The following LRRC4C variants were observed in gnomAD, a reference collection of about 807,000 sequenced individuals.
LRRC4C encodes the protein leucine rich repeat containing 4C.
Under a neutral mutation model 33.6 loss-of-function variants are expected in LRRC4C, and 5 were observed. That is an observed-to-expected ratio of 0.15 (90% CI 0.08 to 0.31). The LOEUF is 0.31. Among genes scored for constraint, LRRC4C ranks in the 10% least tolerant of loss-of-function variants. The pLI is 1.00. For missense variants in LRRC4C, 560 were observed against 796.7 expected, an observed-to-expected ratio of 0.70 and a Z score of 3.58; for synonymous variants, 329 against 302.0, an observed-to-expected ratio of 1.09 and a Z score of -0.93.
At chr11:41,158,058 C>T (rs1944311335) in intron 1 of LRRC4C, among the ~76,000 whole-genome samples, 1 of 152,034 alleles carries the variant, frequency 6.6e-6, no homozygotes, top group African/African-American at 2.4e-5. Context: ...TCCTCCTAAT[C>T]CCTCAGCCAC....
chr11:40,899,096 T>C (rs1956095303), intron 2 of LRRC4C, among the ~76,000 whole-genome samples: 2 of 49,344 alleles, frequency 4.1e-5, no homozygotes, highest in Non-Finnish European at 1.4e-4. Flanking sequence ...TGTGGTCATT[T>C]TGAAAAAAAA....
intron 1 of LRRC4C, among the ~76,000 whole-genome samples, chr11:41,115,802 A>G (rs1275799880): frequency 6.6e-6 from 1 of 152,064 alleles, no homozygotes; most frequent in African/African-American, 2.4e-5. Flanking sequence ...TGGTAACCAG[A>G]GCTATGTTCC....
intron 6 of LRRC4C, among the ~76,000 whole-genome samples, chr11:40,139,147 A>G (rs1857188581): frequency 6.6e-6 from 1 of 152,186 alleles, no homozygotes; most frequent in Non-Finnish European, 1.5e-5. Context: ...TGAGGGGAAA[A>G]GAGTTTCGGA....
intron 3 of LRRC4C, among the ~76,000 whole-genome samples, chr11:40,483,536 A>C (rs1311263398): frequency 1.3e-5 from 2 of 152,278 alleles, no homozygotes; most frequent in African/African-American, 4.8e-5. Context: ...TCAGAAATGG[A>C]AATATTCTGA....
At chr11:40,275,700 G>A (rs888638015) in intron 4 of LRRC4C, among the ~76,000 whole-genome samples, 7 of 152,136 alleles carry the variant, frequency 4.6e-5, no homozygotes, top group Non-Finnish European at 1.0e-4. Context: ...CTGGCCCCAA[G>A]TGGAGTCTAT....
intron 2 of LRRC4C, among the ~76,000 whole-genome samples, chr11:40,750,642 C>T (rs182361903): frequency 1.0e-4 from 11 of 110,244 alleles, no homozygotes; most frequent in East Asian, 8.2e-4. Context: ...CATCACACAT[C>T]GGGACTGTTG....
At chr11:40,977,187 G>T (rs1395578792) in intron 1 of LRRC4C, among the ~76,000 whole-genome samples, 1 of 152,052 alleles carries the variant, frequency 6.6e-6, no homozygotes, top group Non-Finnish European at 1.5e-5. Flanking sequence ...GTGGTAATGG[G>T]ATCGATAGAC....
At chr11:41,222,468 G>T (rs1244513061) in intron 1 of LRRC4C, among the ~76,000 whole-genome samples, 2 of 152,110 alleles carry the variant, frequency 1.3e-5, no homozygotes, top group Non-Finnish European at 2.9e-5. Context: ...CAATGAAATG[G>T]ACAGGGCTGA....
At chr11:40,185,963 A>C (rs573674299) in intron 5 of LRRC4C, among the ~76,000 whole-genome samples, 1 of 152,132 alleles carries the variant, frequency 6.6e-6, no homozygotes, top group Non-Finnish European at 1.5e-5. Context: ...TCCCAATGCC[A>C]AGCAGTATCA....
At chr11:41,252,421 TAGAGAAAG>T (rs761622642) in intron 1 of LRRC4C, among the ~76,000 whole-genome samples, 1 of 151,656 alleles carries the variant, frequency 6.6e-6, no homozygotes, top group Non-Finnish European at 1.5e-5. Flanking sequence ...CCCAAAGGAG[TAGAGAAAG>T]AGTTTATAAT....
chr11:41,430,270 A>C (rs1465444451), intron 1 of LRRC4C, among the ~76,000 whole-genome samples: 1 of 152,146 alleles, frequency 6.6e-6, no homozygotes, highest in East Asian at 1.9e-4. Context: ...ATAATTTACA[A>C]TGCATTGTAA....
At chr11:40,826,540 T>A (rs1413234325) in intron 2 of LRRC4C, among the ~76,000 whole-genome samples, 1 of 151,902 alleles carries the variant, frequency 6.6e-6, no homozygotes, top group African/African-American at 2.4e-5. Context: ...AAAACGCACG[T>A]CTTTTGCTTT....
chr11:40,684,275 G>A (rs1413657410), intron 2 of LRRC4C, among the ~76,000 whole-genome samples: 1 of 151,788 alleles, frequency 6.6e-6, no homozygotes, highest in Admixed American at 6.6e-5. Flanking sequence ...AGAAGAGGAA[G>A]CATTTAAAAA....
At chr11:40,262,273 G>GATT (rs1941907086) in intron 4 of LRRC4C, among the ~76,000 whole-genome samples, 1 of 151,922 alleles carries the variant, frequency 6.6e-6, no homozygotes, top group African/African-American at 2.4e-5. Context: ...ATCAAAACAA[G>GATT]ATTATTATTA....
chr11:41,393,112 C>G (rs1953669692), intron 1 of LRRC4C, among the ~76,000 whole-genome samples: 1 of 151,834 alleles, frequency 6.6e-6, no homozygotes. Flanking sequence ...AGCAAACTAA[C>G]TTTGACATTT....
At chr11:41,168,569 A>G (rs1944832218) in intron 1 of LRRC4C, among the ~76,000 whole-genome samples, 1 of 152,074 alleles carries the variant, frequency 6.6e-6, no homozygotes, top group South Asian at 2.1e-4. Flanking sequence ...AACAATTCAT[A>G]TAAGGTGAAG....
At chr11:40,850,382 C>A (rs1431393062) in intron 2 of LRRC4C, among the ~76,000 whole-genome samples, 1 of 152,132 alleles carries the variant, frequency 6.6e-6, no homozygotes, top group Non-Finnish European at 1.5e-5. Context: ...TTTCTTCTAA[C>A]AGTCAGCACT....
At chr11:40,663,493 G>A (rs1943555022) in intron 2 of LRRC4C, among the ~76,000 whole-genome samples, 1 of 152,140 alleles carries the variant, frequency 6.6e-6, no homozygotes, top group South Asian at 2.1e-4. Context: ...TCTATTATAA[G>A]ACAGGTAGAA....
chr11:40,250,621 C>G (rs1432458531), intron 4 of LRRC4C, among the ~76,000 whole-genome samples: 2 of 151,874 alleles, frequency 1.3e-5, no homozygotes. Flanking sequence ...GCGCCTGTAA[C>G]CCAACTACTC....
Sources: allele counts gnomAD v4.1 joint callset (sites outside exome capture counted in the v4.1 genomes callset), GRCh38; gene constraint gnomAD v4.1.1; transcripts MANE v1.5; gene names NCBI Gene and HGNC (gene_info 2026-07-23, HGNC 2026-07-21).